Variants in ZNF558 observed in about 807,000 individuals in gnomAD.
ZNF558 encodes the protein zinc finger protein 558.
ZNF558 carries 23 observed loss-of-function variants against 37.6 expected under a neutral mutation model. The observed-to-expected ratio is 0.61, with a 90% confidence interval of 0.44 to 0.87. ZNF558 has a LOEUF of 0.87. Ranked by LOEUF, ZNF558 falls within the 40% of genes least tolerant of loss-of-function variation. The pLI is 0.00. For synonymous variants in ZNF558, 189 were observed against 174.4 expected (o/e 1.08, Z -0.66); for missense variants, 429 against 483.7 (o/e 0.89, Z 1.06).
chr19:8,810,947 A>G lies in ZNF558; in HGVS notation c.*334T>C, dbSNP rs921594732. On this transcript the variant is annotated 3_prime_UTR_variant, in exon 10 of 10. Coordinates refer to ENST00000601372, the MANE Select transcript of ZNF558 (RefSeq NM_144693.3). ...AATGACTGAAGGTCCCCTGACAACAACCAACATCAACTTTCCAGGCATGTG... is the reference window on the plus strand; with the variant it reads ...AATGACTGAAGGTCCCCTGACAACAGCCAACATCAACTTTCCAGGCATGTG... The G allele has an allele frequency of 3.4e-5, 7 of 205,898 alleles. No individual in the cohort carries two copies. Among genetic ancestry groups the G allele is most frequent in the African/African-American group, 1.4e-4 (6 of 42,750 alleles). 12.8% of individuals were successfully genotyped at this position (205,898 alleles called of 1,614,324 possible).
At chr19:8,829,029 T>G (rs2044293077) in intron 2 of ZNF558, among the ~76,000 whole-genome samples, 1 of 150,152 alleles carries the variant, frequency 6.7e-6, no homozygotes, top group Admixed American at 6.7e-5. Context: ...TTTGGGAGGC[T>G]GAGGCGGGTG....
At chr19:8,821,746 G>A (rs768219953) in intron 6 of ZNF558, 25 of 1,331,758 alleles carry the variant, frequency 1.9e-5, no homozygotes, top group East Asian at 3.1e-5. Context: ...ACATCATCAC[G>A]TCTTTACTTG....
intron 8 of ZNF558, 118 bp from the exon 9 acceptor site, chr19:8,812,761 A>T: frequency 1.7e-6 from 1 of 595,762 alleles, no homozygotes; most frequent in Non-Finnish European, 2.8e-6. Flanking sequence ...AACAAAGAGG[A>T]TTTGGTTATG....
At chr19:8,826,241 CG>C (rs1365043727) in intron 2 of ZNF558, among the ~76,000 whole-genome samples, 2 of 151,966 alleles carry the variant, frequency 1.3e-5, no homozygotes, top group Non-Finnish European at 2.9e-5. Flanking sequence ...CCATGGAGCA[CG>C]GGGCGGCAGT....
At chr19:8,829,898 T>C (rs1356962726) in intron 2 of ZNF558, among the ~76,000 whole-genome samples, 1 of 152,184 alleles carries the variant, frequency 6.6e-6, no homozygotes, top group Non-Finnish European at 1.5e-5. Context: ...CATGATTCTC[T>C]GCAATATGAA....
intron 8 of ZNF558, 61 bp downstream of exon 8, chr19:8,813,066 A>C: frequency 1.7e-4 from 231 of 1,347,484 alleles, no homozygotes; most frequent in Middle Eastern, 3.6e-4. Context: ...TAATACTCCC[A>C]ACCCCCAAGT....
At chr19:8,812,125 C>T in intron 9 of ZNF558, 62 bp from the exon 10 acceptor site, 1 of 1,343,040 alleles carries the variant, frequency 7.4e-7, no homozygotes. Flanking sequence ...TAATGTTCTC[C>T]TAGGAATCTT....
chr19:8,817,611 C>T (rs1458795247), intron 7 of ZNF558, among the ~76,000 whole-genome samples: 1 of 151,850 alleles, frequency 6.6e-6, no homozygotes, highest in Admixed American at 6.6e-5. Context: ...GGGACATAGC[C>T]CCATCAAAGT....
In ZNF558 at chr19:8,822,514, C is replaced by T. The variant is rs573214457; in HGVS notation, c.31+115G>A. The T allele has an allele frequency of 1.9e-5, 28 of 1,472,998 alleles. No individual in the cohort carries two copies. The Admixed American group carries it at 3.0e-4, about 16-fold the overall frequency. The allele number at this position is 1,472,998 out of a possible 1,614,324, so 91.2% of individuals were successfully genotyped here. On this transcript the variant is annotated intron_variant, in intron 5 of 9. Transcript: ENST00000601372. The surrounding 1 kb of genome is among the most constrained non-coding windows in gnomAD (Gnocchi z 4.4). ...GATCAGACACGGAGGACCTCTGGGC[C>T]CCTGGGGCTCCACTCCTGCCTCACC...
chr19:8,827,978 G>A (rs543204632), intron 2 of ZNF558, among the ~76,000 whole-genome samples: 24 of 152,068 alleles, frequency 1.6e-4, no homozygotes, highest in Admixed American at 5.2e-4. Context: ...CAGCTTCTTC[G>A]ACGGCAGTGC....
chr19:8,828,330 G>A (rs977170440), intron 2 of ZNF558, among the ~76,000 whole-genome samples: 6 of 152,162 alleles, frequency 3.9e-5, no homozygotes, highest in African/African-American at 1.4e-4. Context: ...CTCCCACTGA[G>A]GACCCCACCA....
upstream of ZNF558, among the ~76,000 whole-genome samples, chr19:8,836,033 A>G (rs964542491): frequency 6.6e-6 from 1 of 152,224 alleles, no homozygotes; most frequent in African/African-American, 2.4e-5. Flanking sequence ...GGGTAATGGT[A>G]TGGATTTCAT....
In ZNF558 at chr19:8,811,891, C is replaced by T; in HGVS notation, c.599G>A (p.Arg200Lys). 1 of 1,614,172 alleles carries T rather than the reference C, an allele frequency of 6.2e-7. No individual in the cohort carries two copies. The highest frequency in any genetic ancestry group is 8.5e-7 in the Non-Finnish European group (1 of 1,180,036). ...SSRSYLTIHK[R>K]IHNGEKPYEC... The stretch of plus-strand genomic sequence containing the variant: ...ATAGGGTTTCTCCCCATTATGGATT[C>T]TCTTATGAATAGTAAGGTAAGATCT... The change falls in exon 10 of 10, where the codon AGA (arginine) becomes AAA (lysine). Residue 200 changes from arginine (R) to lysine (K), a missense_variant. Transcript: ENST00000601372.
chr19:8,811,461 G>T lies in ZNF558; in HGVS notation c.1029C>A (p.Thr343=), dbSNP rs368343151. Residue 343 remains threonine, a synonymous_variant, in exon 10 of 10, where the codon ACC becomes ACA. Transcript: ENST00000601372. ...CACTGCACTCGTAGGGTTTCTCTCC[G>T]GTATGTATTCTCTTGTGCACAGTAA... ...FSLTVHKRIH[T]GEKPYECSDC... is the part of the protein sequence containing the mutation. 5.0e-6 allele frequency: 8 copies of T among 1,613,686 alleles called. No homozygotes were observed.
intron 4 of ZNF558, chr19:8,823,625 C>T (rs1483361948): frequency 7.1e-6 from 1 of 141,640 alleles, no homozygotes; most frequent in Non-Finnish European, 1.5e-5. Context: ...CCCTCTCCTA[C>T]CTATGCTCTG....
rs1278581098 is a variant in ZNF558 at position 8,820,620 on chromosome 19, T to C, written c.247+560A>G. On this transcript the variant is annotated intron_variant, in intron 7 of 9. Coordinates refer to ENST00000601372, the MANE Select transcript of ZNF558 (RefSeq NM_144693.3). Reference sequence around the variant, plus strand: ...CCTCAGCCTCCTGACTAGCTGGGGATAGGTGTGTGCCACCACGTCCGGCTA... The same window carrying C: ...CCTCAGCCTCCTGACTAGCTGGGGACAGGTGTGTGCCACCACGTCCGGCTA... Among the ~76,000 whole-genome samples, 4 of 151,346 alleles carry C rather than the reference T, an allele frequency of 2.6e-5. No homozygotes were observed. The East Asian group carries it at 5.8e-4, about 22-fold the overall frequency.
chr19:8,836,163 C>T (rs2044453113), upstream of ZNF558, among the ~76,000 whole-genome samples: 1 of 152,116 alleles, frequency 6.6e-6, no homozygotes, highest in African/African-American at 2.4e-5. Context: ...ATTATGGTAG[C>T]TCAATAAAGT....
At position 8,811,408 on chromosome 19, in the gene ZNF558, G is replaced by C; in HGVS notation, c.1082C>G (p.Ser361Ter). Residue 361 changes from serine to a stop codon, truncating the protein, a stop_gained, in exon 10 of 10, where the codon TCA (serine) becomes TGA (stop). Coordinates refer to ENST00000601372, the MANE Select transcript of ZNF558 (RefSeq NM_144693.3). LOFTEE classifies it high-confidence loss of function. ...AGTTCTTAAGTGTTTCTTCACAGCT[G>C]AGAGATTATTAAAGGCTTTTCCACA... ...SDCGKAFNNL[S>*]AVKKHLRTHT... 6.2e-7 allele frequency: 1 copy of C among 1,614,108 alleles called. No individual in the cohort carries two copies. The highest frequency in any genetic ancestry group is 1.1e-5 in the South Asian group (1 of 91,082).
intron 2 of ZNF558, among the ~76,000 whole-genome samples, chr19:8,825,345 C>T (rs768978799): frequency 1.3e-5 from 2 of 152,034 alleles, no homozygotes; most frequent in Non-Finnish European, 2.9e-5. Context: ...AAAGTGATTG[C>T]GGTTTTTGCC....
Sources: allele counts gnomAD v4.1 joint callset (sites outside exome capture counted in the v4.1 genomes callset), GRCh38; gene constraint gnomAD v4.1.1; non-coding constraint Gnocchi (gnomAD v3.1); transcripts MANE v1.5; gene names NCBI Gene and HGNC (gene_info 2026-07-23, HGNC 2026-07-21).